Variants in CNTNAP5 observed in about 807,000 individuals in gnomAD.
The protein encoded by CNTNAP5 is contactin associated protein family member 5.
CNTNAP5 carries 72 observed loss-of-function variants against 150.2 expected under a neutral mutation model. The ratio of observed to expected loss-of-function variants is 0.48; its 90% CI spans 0.40 to 0.58. The LOEUF (loss-of-function observed/expected upper bound fraction) is 0.58. Among genes scored for constraint, CNTNAP5 ranks in the 20% least tolerant of loss-of-function variants. The pLI is 0.00. For missense variants in CNTNAP5, 1,636 were observed against 1,626.2 expected, an observed-to-expected ratio of 1.01 and a Z score of -0.10; for synonymous variants, 672 against 619.8, an observed-to-expected ratio of 1.08 and a Z score of -1.25.
At chr2:124,120,433 CTT>C (rs1453490405) in intron 1 of CNTNAP5, among the ~76,000 whole-genome samples, 1 of 152,170 alleles carries the variant, frequency 6.6e-6, no homozygotes, top group Non-Finnish European at 1.5e-5. Context: ...GACAAGTACT[CTT>C]TGACTCAGGA....
chr2:124,907,180 C>T lies in CNTNAP5; in HGVS notation c.3655+4080C>T, dbSNP rs558926845. Reference sequence around the variant, plus strand: ...TATAAATAATCTGGTCATGGCAATGCTTAGGGAGAAGGGTTTGCAATGTTC... The same window carrying T: ...TATAAATAATCTGGTCATGGCAATGTTTAGGGAGAAGGGTTTGCAATGTTC... On this transcript the variant is annotated intron_variant, in intron 22 of 23. Coordinates refer to ENST00000682447, the MANE Select transcript of CNTNAP5 (RefSeq NM_001367498.1). Among the ~76,000 whole-genome samples the T allele has an allele frequency of 1.4e-4, 21 of 152,134 alleles. No individual in the cohort carries two copies. The South Asian group carries it at 4.2e-3, about 30-fold the overall frequency.
At chr2:124,443,634 T>A (rs1692729535) in intron 5 of CNTNAP5, among the ~76,000 whole-genome samples, 3 of 151,958 alleles carry the variant, frequency 2.0e-5, no homozygotes, top group Admixed American at 1.3e-4. Context: ...AAAAATAAAA[T>A]CAGTTTGACT....
In CNTNAP5 at chr2:124,789,987, G is replaced by A. The variant is rs1681688343; in HGVS notation, c.2838G>A (p.Arg946=). ...LNGQKMDLEE[R]AKVTSGVRPG... is the part of the protein sequence containing the mutation. ...GACAGAAAATGGACCTGGAAGAGAG[G>A]GCAAAGGTCACATCTGGAGTCAGGC... is the stretch of plus-strand genomic sequence containing the variant. The change falls in exon 18 of 24, where the codon AGG becomes AGA. Residue 946 remains arginine, a synonymous_variant. Coordinates refer to ENST00000682447, the MANE Select transcript of CNTNAP5 (RefSeq NM_001367498.1). 1.1e-5 allele frequency: 17 copies of A among 1,613,916 alleles called. No homozygotes were observed. Among genetic ancestry groups the A allele is most frequent in the East Asian group, 2.2e-5 (1 of 44,854 alleles).
rs774054246 is a variant in CNTNAP5 at position 124,474,778 on chromosome 2, A to T, written c.958A>T (p.Thr320Ser). 7.5e-6 allele frequency: 12 copies of T among 1,599,308 alleles called. No homozygotes were observed. Among genetic ancestry groups the T allele is most frequent in the Non-Finnish European group, 1.0e-5 (12 of 1,174,138 alleles). ...GGIPVPGKPGTFLKKNFHGCI... is the reference protein window; with the variant it reads ...GGIPVPGKPGSFLKKNFHGCI... ...AATTCCAGTACCAGGAAAACCTGGG[A>T]CCTTTTTAAAGAAAAACTTCCATGG... Residue 320 changes from threonine to serine, a missense_variant, in exon 7 of 24, where the codon ACC becomes TCC. By Grantham distance (58) the Thr-to-Ser change is moderately conservative. Coordinates refer to ENST00000682447, the MANE Select transcript of CNTNAP5 (RefSeq NM_001367498.1).
chr2:124,688,780 G>C (rs1315991328), intron 13 of CNTNAP5, among the ~76,000 whole-genome samples: 1 of 151,962 alleles, frequency 6.6e-6, no homozygotes, highest in African/African-American at 2.4e-5. Context: ...TTGAATAATA[G>C]CCCACATCTG....
At chr2:124,619,274 C>T (rs993052626) in intron 12 of CNTNAP5, among the ~76,000 whole-genome samples, 9 of 152,012 alleles carry the variant, frequency 5.9e-5, no homozygotes, top group African/African-American at 2.2e-4. Context: ...GATGAAAATG[C>T]ACATAAGGAG....
At chr2:124,035,954 G>A (rs1328219713) in intron 1 of CNTNAP5, among the ~76,000 whole-genome samples, 1 of 111,138 alleles carries the variant, frequency 9.0e-6, no homozygotes, top group Non-Finnish European at 1.6e-5. Flanking sequence ...GTCTCGCTCT[G>A]TCGCCCAGGC....
intron 1 of CNTNAP5, among the ~76,000 whole-genome samples, chr2:124,179,506 G>T (rs574861601): frequency 6.6e-6 from 1 of 152,160 alleles, no homozygotes; most frequent in East Asian, 1.9e-4. Context: ...CTTAGGAAAA[G>T]GTATGAAGGC....
At chr2:124,711,570 C>G (rs893194233) in intron 13 of CNTNAP5, among the ~76,000 whole-genome samples, 2 of 152,098 alleles carry the variant, frequency 1.3e-5, no homozygotes, top group African/African-American at 4.8e-5. Context: ...TATTTATTAA[C>G]AAAAATAATT....
At chr2:124,816,661 A>G (rs189775028) in intron 19 of CNTNAP5, among the ~76,000 whole-genome samples, 85 of 151,938 alleles carry the variant, frequency 5.6e-4, no homozygotes, top group African/African-American at 1.9e-3. Context: ...TATTTTTAAT[A>G]GAGAAGAGGT....
At chr2:124,343,578 A>G (rs1689668565) in intron 3 of CNTNAP5, among the ~76,000 whole-genome samples, 1 of 152,208 alleles carries the variant, frequency 6.6e-6, no homozygotes, top group Non-Finnish European at 1.5e-5. Context: ...CCAGAGTGAC[A>G]ATAAAAAGAT....
At chr2:124,802,320 C>T (rs1403402369) in intron 19 of CNTNAP5, among the ~76,000 whole-genome samples, 1 of 152,144 alleles carries the variant, frequency 6.6e-6, no homozygotes, top group East Asian at 1.9e-4. Context: ...GTTTGATTTT[C>T]CAGGGTTGGA....
intron 12 of CNTNAP5, among the ~76,000 whole-genome samples, chr2:124,612,969 A>T (rs1677416916): frequency 6.6e-6 from 1 of 152,038 alleles, no homozygotes; most frequent in Non-Finnish European, 1.5e-5. Context: ...GGAGAATCAC[A>T]TGAACCTGGG....
At chr2:124,636,264 AT>A (rs1282245281) in intron 12 of CNTNAP5, among the ~76,000 whole-genome samples, 1 of 152,166 alleles carries the variant, frequency 6.6e-6, no homozygotes, top group Non-Finnish European at 1.5e-5. Context: ...GAATCTATTT[AT>A]AAGTTTGTTG....
chr2:124,591,341 C>T (rs905404040), intron 11 of CNTNAP5, among the ~76,000 whole-genome samples: 1 of 152,012 alleles, frequency 6.6e-6, no homozygotes. Context: ...ATTTCATATA[C>T]AGTGGATGGT....
intron 1 of CNTNAP5, among the ~76,000 whole-genome samples, chr2:124,103,357 T>A (rs531486192): frequency 1.3e-5 from 2 of 152,028 alleles, no homozygotes; most frequent in East Asian, 3.9e-4. Flanking sequence ...AAGTGTAGGG[T>A]AGGCTAAGTG....
intron 1 of CNTNAP5, among the ~76,000 whole-genome samples, chr2:124,049,773 A>C (rs1431391758): frequency 6.6e-6 from 1 of 152,232 alleles, no homozygotes; most frequent in African/African-American, 2.4e-5. Flanking sequence ...GGTGATTTAT[A>C]TACAACAGAA....
chr2:124,330,072 C>T (rs529495813), intron 3 of CNTNAP5, among the ~76,000 whole-genome samples: 4 of 152,140 alleles, frequency 2.6e-5, no homozygotes, highest in African/African-American at 9.6e-5. Context: ...TCTTGAGGCT[C>T]GAAATAGCAT....
intron 3 of CNTNAP5, among the ~76,000 whole-genome samples, chr2:124,342,496 A>T (rs1041222941): frequency 2.6e-5 from 4 of 152,164 alleles, no homozygotes; most frequent in Non-Finnish European, 1.5e-5. Context: ...CATAAAGTCA[A>T]ATTCATTTCC....
Sources: allele counts gnomAD v4.1 joint callset (sites outside exome capture counted in the v4.1 genomes callset), GRCh38; gene constraint gnomAD v4.1.1; transcripts MANE v1.5; gene names NCBI Gene and HGNC (gene_info 2026-07-23, HGNC 2026-07-21).